The following HCRTR1 variants were observed in gnomAD, a reference collection of about 807,000 sequenced individuals.
HCRTR1 encodes the protein hypocretin receptor 1.
In HCRTR1, 28 loss-of-function variants were observed where a neutral mutation model predicts 40.6. The ratio of observed to expected loss-of-function variants is 0.69; its 90% CI spans 0.51 to 0.95. The LOEUF (loss-of-function observed/expected upper bound fraction) is 0.95. Among genes scored for constraint, HCRTR1 ranks in the 40% least tolerant of loss-of-function variants. The probability of loss-of-function intolerance (pLI) is 0.00; values close to 1 mark genes in which losing one functional copy is unlikely to be tolerated. For missense variants in HCRTR1, 482 were observed against 564.7 expected, an observed-to-expected ratio of 0.85 and a Z score of 1.48; for synonymous variants, 209 against 230.0, an observed-to-expected ratio of 0.91 and a Z score of 0.83.
chr1:31,630,210 T>C (rs1037023332), downstream of HCRTR1: 6 of 249,068 alleles, frequency 2.4e-5, no homozygotes, highest in African/African-American at 4.4e-5. Context: ...AATGGGCTCG[T>C]TTGACAGGAT....
At chr1:31,630,604 A>G, downstream of HCRTR1, 2 of 1,611,672 alleles carry the variant, frequency 1.2e-6, no homozygotes, top group Non-Finnish European at 1.7e-6. Flanking sequence ...CTCTCCACAG[A>G]TGGTTGGGTC....
intron 4 of HCRTR1, 106 bp from the exon 5 acceptor site, chr1:31,620,737 G>A: frequency 1.4e-6 from 2 of 1,426,380 alleles, no homozygotes; most frequent in African/African-American, 1.4e-5. Flanking sequence ...AAGTGGTGGA[G>A]TCAGGATTTG....
chr1:31,621,550 C>T lies in HCRTR1; in HGVS notation c.696C>T (p.Ala232=). 1 of 1,614,048 alleles carries T rather than the reference C, an allele frequency of 6.2e-7. No individual in the cohort carries two copies. Among genetic ancestry groups the T allele is most frequent in the Non-Finnish European group, 8.5e-7 (1 of 1,180,010 alleles). Residue 232 remains alanine (A), a synonymous_variant, in exon 6 of 9, where the codon GCC becomes GCT. Coordinates refer to ENST00000403528, the MANE Select transcript of HCRTR1 (RefSeq NM_001525.3). ...ACCTGGCCCCACTGGGCCTCATGGCCATGGCCTATTTCCAGATATTCCGCA... is the reference window on the plus strand; with the variant it reads ...ACCTGGCCCCACTGGGCCTCATGGCTATGGCCTATTTCCAGATATTCCGCA... The part of the protein sequence containing the change: ...VTYLAPLGLM[A]MAYFQIFRKL...
downstream of HCRTR1, chr1:31,627,668 A>C (rs1181992569): frequency 7.0e-6 from 2 of 285,110 alleles, no homozygotes; most frequent in Non-Finnish European, 1.4e-5. Context: ...TAGGAGCAGA[A>C]GAAGGTGGGG....
At chr1:31,624,900 C>G (rs1001542504) in intron 7 of HCRTR1, 97 bp from the exon 8 acceptor site, 17 of 1,342,914 alleles carry the variant, frequency 1.3e-5, no homozygotes, top group African/African-American at 4.4e-5. Flanking sequence ...GCAGTAGGAA[C>G]TCTTGCACTT....
chr1:31,633,758 C>T (rs1640180002), downstream of HCRTR1, among the ~76,000 whole-genome samples: 3 of 152,030 alleles, frequency 2.0e-5, no homozygotes, highest in Admixed American at 2.0e-4. Flanking sequence ...GAGTTTGAGA[C>T]CAGCTTGACC....
At position 31,625,388 on chromosome 1, in the gene HCRTR1, C is replaced by T. The variant is rs571537421; in HGVS notation, c.1087+270C>T. ...AGTGGAAGGGCAGGGGCTAGGCCAGCTCACCCCCAACTCCCACCCTGGGTG... is the reference window on the plus strand; with the variant it reads ...AGTGGAAGGGCAGGGGCTAGGCCAGTTCACCCCCAACTCCCACCCTGGGTG... On this transcript the variant is annotated intron_variant, in intron 8 of 8. Transcript: ENST00000403528. This position sits in a 1 kb window ranked among gnomAD's most constrained non-coding sequence, Gnocchi z 4.2. 1.4e-3 allele frequency among the ~76,000 whole-genome samples: 216 copies of T among 152,254 alleles called. 2 individuals carry two copies. Among genetic ancestry groups the T allele is most frequent in the Non-Finnish European group, 3.2e-4 (22 of 67,988 alleles).
At position 31,627,098 on chromosome 1, in the gene HCRTR1, G is replaced by A; in HGVS notation, c.*118G>A. 1.4e-6 allele frequency: 2 copies of A among 1,462,532 alleles called. No individual in the cohort carries two copies. Among genetic ancestry groups the A allele is most frequent in the East Asian group, 4.7e-5 (2 of 42,866 alleles). 90.6% of individuals were successfully genotyped at this position (1,462,532 alleles called of 1,614,324 possible). A position where few individuals can be genotyped will look rare whatever the true frequency, so the allele number is the denominator to read the frequency against. The stretch of plus-strand genomic sequence containing the variant: ...CCTGGGTTTCTGCCTGTGTGACTCT[G>A]GATAAGTCACTTCCTCTGTCTGAGC... On this transcript the variant is annotated 3_prime_UTR_variant, in exon 9 of 9. Coordinates refer to ENST00000403528, the MANE Select transcript of HCRTR1 (RefSeq NM_001525.3).
chr1:31,633,242 T>G, downstream of HCRTR1: 1 of 1,614,018 alleles, frequency 6.2e-7, no homozygotes, highest in Non-Finnish European at 8.5e-7. Flanking sequence ...CATGGAGATA[T>G]AGCCACTGTG....
downstream of HCRTR1, among the ~76,000 whole-genome samples, chr1:31,629,490 T>C: frequency 6.6e-6 from 1 of 152,188 alleles, no homozygotes; most frequent in East Asian, 1.9e-4. Flanking sequence ...CTGTGCTTAA[T>C]AAAAGTGGGG....
intron 6 of HCRTR1, 88 bp from the exon 7 acceptor site, chr1:31,623,435 G>A (rs1178182332): frequency 9.1e-6 from 10 of 1,096,394 alleles, no homozygotes; most frequent in Admixed American, 2.7e-5. Flanking sequence ...ACCCTGCCCG[G>A]GGTCCAGCCT....
downstream of HCRTR1, among the ~76,000 whole-genome samples, chr1:31,631,344 G>C (rs1379728451): frequency 2.0e-5 from 3 of 152,238 alleles, no homozygotes; most frequent in South Asian, 4.1e-4. Context: ...GATTAAAACG[G>C]GTGATCATGT....
downstream of HCRTR1, chr1:31,630,946 T>C: frequency 1.0e-6 from 1 of 963,650 alleles, no homozygotes; most frequent in South Asian, 1.4e-5. Context: ...TTCGAGAGGA[T>C]GGGCACAGAA....
intron 7 of HCRTR1, among the ~76,000 whole-genome samples, 180 bp downstream of exon 7, chr1:31,623,929 T>C (rs1639919022): frequency 6.6e-6 from 1 of 152,186 alleles, no homozygotes; most frequent in African/African-American, 2.4e-5. Flanking sequence ...ATTCATTCAC[T>C]TAATCATCAC....
In HCRTR1 at chr1:31,627,076, G is replaced by C; in HGVS notation, c.*96G>C. ...GGTGAAAGGCTGTGGCTTCAGTCCT[G>C]GGTTTCTGCCTGTGTGACTCTGGAT... is the stretch of plus-strand genomic sequence containing the variant. On this transcript the variant is annotated 3_prime_UTR_variant, in exon 9 of 9. Coordinates refer to ENST00000403528, the MANE Select transcript of HCRTR1 (RefSeq NM_001525.3). 6.6e-7 allele frequency: 1 copy of C among 1,517,560 alleles called. No individual in the cohort carries two copies. Among genetic ancestry groups the C allele is most frequent in the Middle Eastern group, 1.9e-4 (1 of 5,318 alleles). The allele number at this position is 1,517,560 out of a possible 1,614,324, so 94.0% of individuals were successfully genotyped here. A position where few individuals can be genotyped will look rare whatever the true frequency, so the allele number is the denominator to read the frequency against.
chr1:31,623,760 G>T lies in HCRTR1; in HGVS notation c.965+11G>T. ...CAATGTCCTTAAGAGGTGAGAGCAC[G>T]GGGTATGGTTGGGGTGGGGAGAAGT... On this transcript the variant is annotated intron_variant, in intron 7 of 8. Transcript: ENST00000403528. 1 of 1,604,354 alleles carries T rather than the reference G, an allele frequency of 6.2e-7. No individual in the cohort carries two copies.
chr1:31,619,025 C>G, intron 2 of HCRTR1, 26 bp from the exon 3 acceptor site: 1 of 603,564 alleles, frequency 1.7e-6, no homozygotes, highest in South Asian at 2.0e-5. Context: ...TCTTTTCCCA[C>G]TCCCTCCTTT....
chr1:31,628,701 C>A (rs1322841096), downstream of HCRTR1, among the ~76,000 whole-genome samples: 1 of 152,200 alleles, frequency 6.6e-6, no homozygotes, highest in Non-Finnish European at 1.5e-5. Flanking sequence ...CTGGCTGAAC[C>A]CAGCACCATG....
chr1:31,620,231 A>C (rs1465756721), intron 4 of HCRTR1, among the ~76,000 whole-genome samples: 1 of 152,218 alleles, frequency 6.6e-6, no homozygotes, highest in Non-Finnish European at 1.5e-5. Context: ...TGCACCCCAG[A>C]GGGCAGGGGG....
Sources: allele counts gnomAD v4.1 joint callset (sites outside exome capture counted in the v4.1 genomes callset), GRCh38; gene constraint gnomAD v4.1.1; non-coding constraint Gnocchi (gnomAD v3.1); transcripts MANE v1.5; gene names NCBI Gene and HGNC (gene_info 2026-07-23, HGNC 2026-07-21).